The following MYO18B variants were observed in gnomAD, a reference collection of about 807,000 sequenced individuals.
MYO18B encodes the protein unconventional myosin-XVIIIb.
A neutral mutation model predicts 273.0 loss-of-function variants in MYO18B; 204 were observed. The observed-to-expected ratio is 0.75, with a 90% confidence interval of 0.67 to 0.84. The LOEUF (loss-of-function observed/expected upper bound fraction) is 0.84. Ranked by LOEUF, MYO18B falls within the 40% of genes least tolerant of loss-of-function variation. MYO18B has a pLI of 0.00. For synonymous variants in MYO18B, 1,330 were observed against 1,305.7 expected (o/e 1.02, Z -0.40); for missense variants, 3,212 against 3,287.6 (o/e 0.98, Z 0.56).
At chr22:25,902,076 G>A (rs958597912) in intron 29 of MYO18B, among the ~76,000 whole-genome samples, 5 of 152,106 alleles carry the variant, frequency 3.3e-5, no homozygotes, top group Admixed American at 6.5e-5. Flanking sequence ...GGCCCCAAGT[G>A]ATCCTCCTTC....
intron 20 of MYO18B, among the ~76,000 whole-genome samples, chr22:25,849,431 A>G (rs973671601): frequency 6.6e-6 from 1 of 152,174 alleles, no homozygotes. Context: ...GTATGCATAC[A>G]CAGATACGTC....
At chr22:26,046,918 G>A in the MYO18B span, among the ~76,000 whole-genome samples, 1 of 152,100 alleles carries the variant, frequency 6.6e-6, no homozygotes, top group African/African-American at 2.4e-5. Context: ...GCTGGTTGCT[G>A]TCAGAGATCC....
At chr22:25,918,643 A>C (rs953788797) in intron 33 of MYO18B, among the ~76,000 whole-genome samples, 1 of 152,194 alleles carries the variant, frequency 6.6e-6, no homozygotes, top group Non-Finnish European at 1.5e-5. Flanking sequence ...AGGGCCTTTC[A>C]GGCAGTGAAG....
At chr22:25,790,154 A>AC (rs2087596392) in intron 11 of MYO18B, among the ~76,000 whole-genome samples, 1 of 7,302 alleles carries the variant, frequency 1.4e-4, no homozygotes, top group Admixed American at 2.3e-3. Context: ...CTCCGTCTCA[A>AC]AAAAAAACAA....
intron 34 of MYO18B, among the ~76,000 whole-genome samples, chr22:25,924,131 C>G (rs985768410): frequency 1.3e-5 from 2 of 152,202 alleles, no homozygotes; most frequent in African/African-American, 4.8e-5. Context: ...GTTGCTTTGG[C>G]TCCCAGCGCA....
intron 25 of MYO18B, among the ~76,000 whole-genome samples, chr22:25,879,318 G>A (rs1395956269): frequency 6.7e-5 from 4 of 59,652 alleles, no homozygotes; most frequent in African/African-American, 2.2e-4. Context: ...TAGAAAATGT[G>A]TATCAACATG....
At chr22:25,982,964 G>A (rs1344451466) in intron 39 of MYO18B, among the ~76,000 whole-genome samples, 1 of 152,128 alleles carries the variant, frequency 6.6e-6, no homozygotes, top group Non-Finnish European at 1.5e-5. Flanking sequence ...GATAATAAAT[G>A]ATATTAGATA....
At chr22:25,773,152 A>G (rs1382746341) in intron 7 of MYO18B, among the ~76,000 whole-genome samples, 3 of 152,230 alleles carry the variant, frequency 2.0e-5, no homozygotes, top group African/African-American at 7.2e-5. Context: ...GAGGCACCTC[A>G]GCCGAGTCAT....
At chr22:25,898,541 C>T in intron 29 of MYO18B, 80 bp downstream of exon 29, 3 of 1,481,682 alleles carry the variant, frequency 2.0e-6, no homozygotes, top group Non-Finnish European at 2.8e-6. Flanking sequence ...TATCCAGGTT[C>T]TCCTAACTCC....
intron 11 of MYO18B, 146 bp from the exon 12 acceptor site, chr22:25,797,807 T>C: frequency 7.1e-6 from 8 of 1,128,064 alleles, no homozygotes; most frequent in Non-Finnish European, 9.1e-6. Context: ...TGTCTGTCAG[T>C]ACTCCTCAGC....
chr22:25,772,376 C>T lies in MYO18B; in HGVS notation c.1735C>T (p.Leu579Phe). The T allele has an allele frequency of 6.2e-7, 1 of 1,613,992 alleles. No homozygotes were observed. The highest frequency in any genetic ancestry group is 8.5e-7 in the Non-Finnish European group (1 of 1,179,888). The change falls in exon 7 of 44, where the codon CTC (leucine) becomes TTC (phenylalanine). Residue 579 changes from leucine to phenylalanine, a missense_variant. Leu to Phe is a conservative substitution (Grantham distance 22). Transcript: ENST00000335473. ...ELDQVEDLAS[L>F]ISVNESSVLN... ...GGACCAGGTCGAGGACCTGGCCTCT[C>T]TCATCAGTGTCAACGAATCCAGTGT...
chr22:25,745,472 GACACACAC>G (rs3068433), intron 1 of MYO18B, among the ~76,000 whole-genome samples: 11 of 146,024 alleles, frequency 7.5e-5, no homozygotes, highest in African/African-American at 1.5e-4. Flanking sequence ...CTCTCTCTCT[GACACACAC>G]ACACACACAC....
Position 25,905,793 on chromosome 22 carries a change from A to G in MYO18B, c.5148+1962A>G, listed in dbSNP as rs148902737. 2.3e-3 allele frequency among the ~76,000 whole-genome samples: 347 copies of G among 152,306 alleles called. 2 individuals are homozygous for G. The highest frequency in any genetic ancestry group is 3.3e-3 in the Non-Finnish European group (224 of 68,030). ...TTATCTCTCCCCTAGCTTCCTGCCA[A>G]CCACAGCTATGAATCAGTGAAGGTT... On this transcript the variant is annotated intron_variant, in intron 31 of 43. Coordinates refer to ENST00000335473, the MANE Select transcript of MYO18B (RefSeq NM_032608.7).
chr22:25,854,808 C>T (rs1032124434), intron 21 of MYO18B, among the ~76,000 whole-genome samples: 2 of 152,162 alleles, frequency 1.3e-5, no homozygotes, highest in Non-Finnish European at 2.9e-5. Context: ...TGCATAATGT[C>T]CTCAAGGTTC....
chr22:25,947,807 G>T lies in MYO18B; in HGVS notation c.5727G>T (p.Lys1909Asn). ...ATGACCTGAATGAGCTGATGCAGAA[G>T]CACAAGGACCTCATTGCTCAGGTAG... ...DQDDLNELMQ[K>N]HKDLIAQSAA... Residue 1909 changes from lysine (K) to asparagine (N), a missense_variant, in exon 36 of 44, where the codon AAG becomes AAT. Physicochemically the swap from Lys to Asn is moderately conservative, Grantham distance 94. Coordinates refer to ENST00000335473, the MANE Select transcript of MYO18B (RefSeq NM_032608.7). 6.2e-7 allele frequency: 1 copy of T among 1,613,838 alleles called. No individual in the cohort carries two copies. The highest frequency in any genetic ancestry group is 1.1e-5 in the South Asian group (1 of 91,050).
chr22:25,880,883 A>G (rs1453350960), intron 25 of MYO18B, among the ~76,000 whole-genome samples: 2 of 152,386 alleles, frequency 1.3e-5, no homozygotes, highest in Non-Finnish European at 2.9e-5. Flanking sequence ...GATTTGCTGT[A>G]ATCTATATGC....
In MYO18B at chr22:25,876,075, C is replaced by T. The variant is rs1478541150; in HGVS notation, c.4081-114C>T. ...GTTTTAAGGTATCCAGTCCCTTCCA[C>T]CGGGAAATAACCCCACTTCCTCCAG... On this transcript the variant is annotated intron_variant, in intron 23 of 43. Transcript: ENST00000335473. The T allele has an allele frequency of 5.3e-6, 5 of 947,654 alleles. No individual in the cohort carries two copies. The Admixed American group carries it at 9.5e-5, about 18-fold the overall frequency. 58.7% of individuals were successfully genotyped at this position (947,654 alleles called of 1,614,324 possible).
chr22:25,911,227 A>T (rs187270543), intron 33 of MYO18B, among the ~76,000 whole-genome samples, 177 bp downstream of exon 33: 202 of 152,320 alleles, frequency 1.3e-3, no homozygotes, highest in Non-Finnish European at 1.5e-3. Flanking sequence ...GGGTTTTTGT[A>T]AGAACCCATG....
At chr22:25,894,806 A>G (rs764169129) in intron 27 of MYO18B, 43 of 167,104 alleles carry the variant, frequency 2.6e-4, no homozygotes, top group Non-Finnish European at 4.4e-4. Flanking sequence ...GGACTCACAG[A>G]TGACTGAAAC....
Sources: allele counts gnomAD v4.1 joint callset (sites outside exome capture counted in the v4.1 genomes callset), GRCh38; gene constraint gnomAD v4.1.1; transcripts MANE v1.5; gene names NCBI Gene and HGNC (gene_info 2026-07-23, HGNC 2026-07-21).